Variants in ATP6V1H observed in about 807,000 individuals in gnomAD.
The protein encoded by ATP6V1H is ATPase H+ transporting V1 subunit H, also known as V-type proton ATPase subunit H.
A neutral mutation model predicts 71.7 loss-of-function variants in ATP6V1H; 39 were observed. The observed-to-expected ratio is 0.54, with a 90% CI of 0.42 to 0.71. The LOEUF is 0.71. ATP6V1H is among the 30% of genes least tolerant of loss of function. The pLI is 0.00. For missense variants in ATP6V1H, 509 were observed against 594.9 expected (o/e 0.86, Z 1.50); for synonymous variants, 192 against 199.3 (o/e 0.96, Z 0.31).
rs113414008 is a variant in ATP6V1H at position 53,762,641 on chromosome 8, T to G, written c.1176-5985A>C. Among the ~76,000 whole-genome samples the G allele has an allele frequency of 5.3e-5, 8 of 152,084 alleles. 1 individual carries two copies. Among genetic ancestry groups the G allele is most frequent in the African/African-American group, 1.9e-4 (8 of 41,484 alleles). On this transcript the variant is annotated intron_variant, in intron 11 of 13. Coordinates refer to ENST00000359530, the MANE Select transcript of ATP6V1H (RefSeq NM_015941.4). ...AAGAATAAACAAATAGATGATGGAA[T>G]AGAACAAAGAATTCATAAACACATT...
chr8:53,824,869 T>C, intron 4 of ATP6V1H, among the ~76,000 whole-genome samples: 1 of 152,024 alleles, frequency 6.6e-6, no homozygotes, highest in South Asian at 2.1e-4. Context: ...CTTTTATAAA[T>C]TAGAGAAAAA....
At chr8:53,730,818 T>C (rs532820692) in intron 13 of ATP6V1H, among the ~76,000 whole-genome samples, 1 of 152,274 alleles carries the variant, frequency 6.6e-6, no homozygotes, top group African/African-American at 2.4e-5. Flanking sequence ...CTCTTCCCTT[T>C]TCCACCTCAA....
chr8:53,757,243 C>G (rs1401255529), intron 11 of ATP6V1H, among the ~76,000 whole-genome samples: 1 of 152,178 alleles, frequency 6.6e-6, no homozygotes, highest in Admixed American at 6.5e-5. Flanking sequence ...GTCACTGGAG[C>G]CTGACGGGTA....
At chr8:53,756,733 G>GATAT in intron 11 of ATP6V1H, 77 bp from the exon 12 acceptor site, 1 of 841,192 alleles carries the variant, frequency 1.2e-6, no homozygotes, top group African/African-American at 1.7e-5. Flanking sequence ...GTATAATGAA[G>GATAT]ATATCTTCCT....
At chr8:53,792,824 A>T (rs560012570) in intron 9 of ATP6V1H, among the ~76,000 whole-genome samples, 1 of 152,244 alleles carries the variant, frequency 6.6e-6, no homozygotes, top group Non-Finnish European at 1.5e-5. Flanking sequence ...TATTCTCAGC[A>T]TCAAAGACAG....
intron 9 of ATP6V1H, among the ~76,000 whole-genome samples, chr8:53,794,406 C>T (rs978269408): frequency 1.3e-5 from 2 of 152,118 alleles, no homozygotes; most frequent in Non-Finnish European, 2.9e-5. Context: ...CACTCTGTCG[C>T]CCAGGCTGGA....
intron 13 of ATP6V1H, among the ~76,000 whole-genome samples, chr8:53,724,586 C>T (rs1237233556): frequency 2.1e-5 from 3 of 143,822 alleles, no homozygotes; most frequent in Admixed American, 7.0e-5. Flanking sequence ...CTCCTCCCCC[C>T]TCCCCCTCCT....
chr8:53,720,055 G>A (rs1806563492), intron 13 of ATP6V1H, among the ~76,000 whole-genome samples: 1 of 152,084 alleles, frequency 6.6e-6, no homozygotes, highest in South Asian at 2.1e-4. Flanking sequence ...ATTAATCTGG[G>A]TATTGAGTCA....
At chr8:53,781,333 T>C (rs1034397035) in intron 9 of ATP6V1H, among the ~76,000 whole-genome samples, 4 of 152,254 alleles carry the variant, frequency 2.6e-5, no homozygotes, top group Non-Finnish European at 5.9e-5. Flanking sequence ...GCTGCATAAA[T>C]GTCTTCTTTT....
chr8:53,780,639 C>T (rs1232997415), intron 9 of ATP6V1H, among the ~76,000 whole-genome samples: 2 of 152,022 alleles, frequency 1.3e-5, no homozygotes, highest in Non-Finnish European at 2.9e-5. Context: ...GTGCTGCACC[C>T]ATTAACTAGT....
Position 53,841,570 on chromosome 8 carries a change from G to T in ATP6V1H, c.113+8C>A. 6.2e-7 allele frequency: 1 copy of T among 1,613,712 alleles called. No homozygotes were observed. The highest frequency in any genetic ancestry group is 8.5e-7 in the Non-Finnish European group (1 of 1,179,706). ...ACTGTCCATGATTCACAGCAAATTG[G>T]TACTTACTGAAGATAGGATTGCCAG... On this transcript the variant is annotated splice_region_variant and intron_variant, in intron 2 of 13. Transcript: ENST00000359530.
Position 53,741,403 on chromosome 8 carries a change from G to A in ATP6V1H, c.1391+2174C>T, listed in dbSNP as rs1489101567. 3.3e-5 allele frequency among the ~76,000 whole-genome samples: 5 copies of A among 152,060 alleles called. No homozygotes were observed. The East Asian group carries it at 7.7e-4, about 23-fold the overall frequency. ...ACAAGAAAGACTTCAAGAGAAATACGCTAATAAAATAATAACTGTATTTCA... is the reference window on the plus strand; with the variant it reads ...ACAAGAAAGACTTCAAGAGAAATACACTAATAAAATAATAACTGTATTTCA... On this transcript the variant is annotated intron_variant, in intron 13 of 13. Coordinates refer to ENST00000359530, the MANE Select transcript of ATP6V1H (RefSeq NM_015941.4).
chr8:53,833,136 G>T, intron 2 of ATP6V1H, 50 bp from the exon 3 acceptor site: 1 of 1,447,384 alleles, frequency 6.9e-7, no homozygotes, highest in East Asian at 2.3e-5. Context: ...GAATATGTAA[G>T]CAAGCGATAG....
At chr8:53,758,285 T>C (rs187344151) in intron 11 of ATP6V1H, among the ~76,000 whole-genome samples, 52 of 152,270 alleles carry the variant, frequency 3.4e-4, no homozygotes, top group Non-Finnish European at 4.4e-5. Flanking sequence ...TATAAGCAAA[T>C]TGCATTAACG....
At chr8:53,771,545 TA>T (rs896172377) in intron 10 of ATP6V1H, among the ~76,000 whole-genome samples, 25 of 152,172 alleles carry the variant, frequency 1.6e-4, no homozygotes, top group African/African-American at 6.0e-4. Flanking sequence ...CCATAGTGGC[TA>T]ATTCTTTACT....
intron 9 of ATP6V1H, 83 bp from the exon 10 acceptor site, chr8:53,772,250 C>T (rs1219858989): frequency 9.6e-7 from 1 of 1,037,766 alleles, no homozygotes; most frequent in African/African-American, 1.6e-5. Flanking sequence ...CTTTTATAGT[C>T]TCTCTCCTCC....
chr8:53,815,238 C>T (rs1563479332), intron 5 of ATP6V1H, among the ~76,000 whole-genome samples: 2 of 152,136 alleles, frequency 1.3e-5, no homozygotes, highest in Admixed American at 1.3e-4. Context: ...AGGTATTAGT[C>T]GTCTCTCCCA....
chr8:53,836,746 T>C (rs1281119875), intron 2 of ATP6V1H, among the ~76,000 whole-genome samples: 1 of 152,178 alleles, frequency 6.6e-6, no homozygotes, highest in Non-Finnish European at 1.5e-5. Flanking sequence ...CGCAGAGGCA[T>C]TCAGTAAAAA....
chr8:53,731,051 C>T (rs1393751680), intron 13 of ATP6V1H, among the ~76,000 whole-genome samples: 1 of 152,172 alleles, frequency 6.6e-6, no homozygotes, highest in Non-Finnish European at 1.5e-5. Context: ...CAAAGGATGC[C>T]TTCTGGTGTT....
Sources: allele counts gnomAD v4.1 joint callset (sites outside exome capture counted in the v4.1 genomes callset), GRCh38; gene constraint gnomAD v4.1.1; transcripts MANE v1.5; gene names NCBI Gene and HGNC (gene_info 2026-07-23, HGNC 2026-07-21).